The following SLC67A1 variants were observed in gnomAD, a reference collection of about 807,000 sequenced individuals.
The protein encoded by SLC67A1 is solute carrier family 67 member A1.
the SLC67A1 span, among the ~76,000 whole-genome samples, chr11:2,923,400 A>C: frequency 2.5e-5 from 1 of 39,516 alleles, no homozygotes; most frequent in East Asian, 6.1e-4. This position sits in a 1 kb window ranked among gnomAD's most constrained non-coding sequence, Gnocchi z 6.5. Flanking sequence ...AGATCCAGAA[A>C]CTCAGGGCAC....
the SLC67A1 span, among the ~76,000 whole-genome samples, chr11:2,912,199 G>A: frequency 6.6e-6 from 1 of 152,240 alleles, no homozygotes; most frequent in South Asian, 2.1e-4. Context: ...GGTGGCACAG[G>A]AGGGCTGCGG....
the SLC67A1 span, chr11:2,922,382 G>A: frequency 1.9e-6 from 3 of 1,592,124 alleles, no homozygotes; most frequent in African/African-American, 4.0e-5. Flanking sequence ...ACCCCAGAGA[G>A]GAGCCTGGTC....
At chr11:2,913,552 G>A in the SLC67A1 span, among the ~76,000 whole-genome samples, 3 of 152,186 alleles carry the variant, frequency 2.0e-5, no homozygotes, top group Non-Finnish European at 1.5e-5. Context: ...CCAGACGGCA[G>A]CTGCGTTAGG....
At chr11:2,900,748 T>C in the SLC67A1 span, among the ~76,000 whole-genome samples, 1 of 149,662 alleles carries the variant, frequency 6.7e-6, no homozygotes, top group Non-Finnish European at 1.5e-5. Context: ...TTCTGATGCT[T>C]AGGCTCAACA....
the SLC67A1 span, chr11:2,916,835 A>AG: frequency 1.9e-6 from 2 of 1,055,600 alleles, no homozygotes; most frequent in South Asian, 1.4e-5. Context: ...GGGGGGCCTG[A>AG]GGGGAAATCT....
the SLC67A1 span, chr11:2,903,249 C>T: frequency 6.5e-7 from 1 of 1,539,616 alleles, no homozygotes; most frequent in Non-Finnish European, 8.7e-7. Flanking sequence ...GACCCAGTGA[C>T]TCAGCACCCC....
the SLC67A1 span, chr11:2,920,376 G>C: frequency 5.2e-5 from 8 of 152,458 alleles, no homozygotes; most frequent in Admixed American, 4.6e-4. Context: ...CATGGGGCCT[G>C]TTCTGAACAG....
the SLC67A1 span, chr11:2,919,481 C>G: frequency 9.0e-7 from 1 of 1,105,076 alleles, no homozygotes; most frequent in Non-Finnish European, 1.4e-6. Context: ...AGAGTAGAGG[C>G]TCCTCCCCGG....
the SLC67A1 span, chr11:2,908,378 C>T: frequency 1.4e-6 from 2 of 1,405,960 alleles, no homozygotes; most frequent in Non-Finnish European, 9.8e-7. Flanking sequence ...GACCCAGGCC[C>T]CCTCTCAGAC....
the SLC67A1 span, among the ~76,000 whole-genome samples, chr11:2,924,463 G>C: frequency 6.6e-6 from 1 of 152,154 alleles, no homozygotes; most frequent in Non-Finnish European, 1.5e-5. The surrounding 1 kb of genome is among the most constrained non-coding windows in gnomAD (Gnocchi z 8.6). Flanking sequence ...AGCCCCAACG[G>C]TGTCTCACAG....
chr11:2,913,289 C>CA, the SLC67A1 span, among the ~76,000 whole-genome samples: 1 of 152,154 alleles, frequency 6.6e-6, no homozygotes, highest in Non-Finnish European at 1.5e-5. Context: ...AGTGGGCAGG[C>CA]AGCAGGCCCC....
At chr11:2,900,928 T>C in the SLC67A1 span, among the ~76,000 whole-genome samples, 1 of 152,178 alleles carries the variant, frequency 6.6e-6, no homozygotes, top group Non-Finnish European at 1.5e-5. Flanking sequence ...TGGGGTCTTA[T>C]GCCCTACAGT....
the SLC67A1 span, chr11:2,920,934 T>C: frequency 6.6e-6 from 1 of 151,934 alleles, no homozygotes; most frequent in African/African-American, 2.4e-5. Flanking sequence ...TTAAGAAACG[T>C]GTTAGGCCGG....
At chr11:2,918,969 G>A in the SLC67A1 span, 8 of 272,750 alleles carry the variant, frequency 2.9e-5, no homozygotes, top group East Asian at 7.3e-5. Flanking sequence ...TGCTGGGATT[G>A]CAGACGTGAC....
the SLC67A1 span, among the ~76,000 whole-genome samples, chr11:2,914,241 T>C: frequency 6.6e-6 from 1 of 152,166 alleles, no homozygotes; most frequent in Non-Finnish European, 1.5e-5. Context: ...TGGTCGTGGC[T>C]CCACTGATAA....
At chr11:2,909,860 C>T in the SLC67A1 span, 7 of 886,990 alleles carry the variant, frequency 7.9e-6, no homozygotes, top group East Asian at 2.2e-4. Flanking sequence ...TCTGGCCCCG[C>T]GCGAGGCCTA....
the SLC67A1 span, chr11:2,916,889 C>T: frequency 3.0e-6 from 2 of 661,406 alleles, no homozygotes; most frequent in African/African-American, 3.6e-5. Flanking sequence ...CCCTTCCCAG[C>T]TGCTGACATC....
At chr11:2,924,266 C>T in the SLC67A1 span, among the ~76,000 whole-genome samples, 2 of 152,200 alleles carry the variant, frequency 1.3e-5, no homozygotes, top group Non-Finnish European at 2.9e-5. The surrounding 1 kb of genome is among the most constrained non-coding windows in gnomAD (Gnocchi z 8.6). Flanking sequence ...TCGGAAGCCG[C>T]TCGGTCTTGC....
the SLC67A1 span, among the ~76,000 whole-genome samples, chr11:2,915,969 C>T: frequency 6.6e-6 from 1 of 152,242 alleles, no homozygotes; most frequent in African/African-American, 2.4e-5. Context: ...CAGCCAGAGT[C>T]CCAGGCCTTG....
Sources: allele counts gnomAD v4.1 joint callset (sites outside exome capture counted in the v4.1 genomes callset), GRCh38; gene constraint gnomAD v4.1.1; non-coding constraint Gnocchi (gnomAD v3.1); transcripts MANE v1.5; gene names NCBI Gene and HGNC (gene_info 2026-07-23, HGNC 2026-07-21).